The following RUBCN variants were observed in gnomAD, a reference collection of about 807,000 sequenced individuals.
RUBCN encodes run domain Beclin-1-interacting and cysteine-rich domain-containing protein.
Under a neutral mutation model 113.2 loss-of-function variants are expected in RUBCN, and 74 were observed. The ratio of observed to expected loss-of-function variants is 0.65; its 90% CI spans 0.54 to 0.79. RUBCN has a LOEUF of 0.79. Ranked by LOEUF, RUBCN falls within the 30% of genes least tolerant of loss-of-function variation. The probability of loss-of-function intolerance (pLI) is 0.00; values close to 1 mark genes in which losing one functional copy is unlikely to be tolerated. For missense variants in RUBCN, 1,109 were observed against 1,251.7 expected, an observed-to-expected ratio of 0.89 and a Z score of 1.72; for synonymous variants, 480 against 490.0, an observed-to-expected ratio of 0.98 and a Z score of 0.27.
rs1442853456 is a variant in RUBCN, at chr3:197,691,171, G to A, written c.1786+2544C>T. 16 of 1,176,294 alleles carry A rather than the reference G, an allele frequency of 1.4e-5. No individual in the cohort carries two copies. The East Asian group carries it at 1.7e-4, about 13-fold the overall frequency. The allele number at this position is 1,176,294 out of a possible 1,614,324, so 72.9% of individuals were successfully genotyped here. ...CATCTGTGTAATAATGATGATAAAA[G>A]GGGGCCCTTAGTATTCCAGCAGGAA... On this transcript the variant is annotated intron_variant, in intron 11 of 19. Coordinates refer to ENST00000296343, the MANE Select transcript of RUBCN (RefSeq NM_014687.4).
Position 197,703,271 on chromosome 3 carries a change from G to A in RUBCN, c.570+277C>T, listed in dbSNP as rs112235729. On this transcript the variant is annotated intron_variant, in intron 5 of 19. Transcript: ENST00000296343. The stretch of plus-strand genomic sequence containing the variant: ...AAAATAGCTGGGTGTGGTGGCGGGC[G>A]CCTGTAATCCCAGCTACTCGGGAGG... 0.11 allele frequency among the ~76,000 whole-genome samples: 16,972 copies of A among 150,968 alleles called. 1,156 individuals are homozygous for A. Among genetic ancestry groups the A allele is most frequent in the African/African-American group, 0.18 (7,462 of 41,050 alleles).
intron 11 of RUBCN, among the ~76,000 whole-genome samples, chr3:197,688,553 C>T (rs1252978034): frequency 6.6e-6 from 1 of 152,108 alleles, no homozygotes; most frequent in East Asian, 1.9e-4. Context: ...CGGACCCTGA[C>T]TAGATACATC....
intron 1 of RUBCN, chr3:197,748,026 G>A (rs2109028020): frequency 1.3e-5 from 2 of 152,138 alleles, no homozygotes; most frequent in South Asian, 4.2e-4. Flanking sequence ...CCGCCTCCCG[G>A]GTTCAAGCGA....
Position 197,682,589 on chromosome 3 carries a change from G to A in RUBCN, c.2007C>T (p.Pro669=), listed in dbSNP as rs760511667. 1.2e-6 allele frequency: 2 copies of A among 1,614,140 alleles called. No homozygotes were observed. The highest frequency in any genetic ancestry group is 1.3e-5 in the African/African-American group (1 of 75,024). The change falls in exon 14 of 20, where the codon CCC becomes CCT. Residue 669 remains proline, a synonymous_variant. Transcript: ENST00000296343. ...CGTGCTGCCCGTCATCCGGTGAGATGGGCAGTGAGTCAGGAATGGGCAGGA... is the reference window on the plus strand; with the variant it reads ...CGTGCTGCCCGTCATCCGGTGAGATAGGCAGTGAGTCAGGAATGGGCAGGA... The part of the protein sequence containing the change: ...QKLLPIPDSL[P]ISPDDGQHAD...
chr3:197,726,250 T>G (rs1560465746), intron 1 of RUBCN, among the ~76,000 whole-genome samples: 1 of 152,184 alleles, frequency 6.6e-6, no homozygotes, highest in Non-Finnish European at 1.5e-5. Flanking sequence ...TTTTTTATTT[T>G]TATTTTTATT....
intron 11 of RUBCN, among the ~76,000 whole-genome samples, chr3:197,685,348 A>G (rs931498959): frequency 1.3e-5 from 2 of 152,154 alleles, no homozygotes; most frequent in Non-Finnish European, 2.9e-5. Flanking sequence ...AGCCGACACA[A>G]TGACCAATCT....
intron 18 of RUBCN, chr3:197,676,647 C>T: frequency 1.4e-6 from 2 of 1,392,578 alleles, no homozygotes; most frequent in Non-Finnish European, 1.9e-6. Flanking sequence ...TCGGTCTTGC[C>T]CGGAGCTACC....
chr3:197,690,636 T>C (rs9831577), intron 11 of RUBCN, among the ~76,000 whole-genome samples: 2,674 of 152,350 alleles, frequency 0.018, 74 homozygotes, highest in African/African-American at 0.061. Context: ...TTTCTAAAAG[T>C]TGGCTCTGCA....
intron 6 of RUBCN, among the ~76,000 whole-genome samples, 170 bp from the exon 7 acceptor site, chr3:197,701,316 G>C (rs968634096): frequency 6.6e-6 from 1 of 152,200 alleles, no homozygotes; most frequent in African/African-American, 2.4e-5. Flanking sequence ...TCCTGAGACA[G>C]TGCTTTATTG....
intron 11 of RUBCN, among the ~76,000 whole-genome samples, chr3:197,688,543 C>T (rs1163356892): frequency 6.6e-6 from 1 of 152,088 alleles, no homozygotes; most frequent in South Asian, 2.1e-4. Context: ...GTCTCCTGAT[C>T]GGACCCTGAC....
At chr3:197,682,072 A>G (rs6797009) in intron 14 of RUBCN, among the ~76,000 whole-genome samples, 173 bp from the exon 15 acceptor site, 11,299 of 152,140 alleles carry the variant, frequency 0.074, 1,134 homozygotes, top group African/African-American at 0.22. Context: ...ACTCCATATA[A>G]GATTTAGGTC....
Position 197,703,609 on chromosome 3 carries a change from T to C in RUBCN, c.509A>G (p.Gln170Arg), listed in dbSNP as rs754683981. ...GTTCTGTTCCACTGCTTCCAGGCAC[T>C]GCAGCATGGCCGTGACATGAGCGTC... ...LSDAHVTAML[Q>R]CLEAVEQNNP... Residue 170 changes from glutamine (Q) to arginine (R), a missense_variant, in exon 5 of 20, where the codon CAG (glutamine) becomes CGG (arginine). Gln to Arg is a conservative substitution (Grantham distance 43). This residue lies in a region of RUBCN where 736 missense variants were observed against 779.6 expected (regional missense o/e 0.94). Transcript: ENST00000296343. 5.0e-6 allele frequency: 8 copies of C among 1,613,882 alleles called. No homozygotes were observed. The East Asian group carries it at 1.8e-4, about 36-fold the overall frequency.
At chr3:197,736,925 A>T (rs893206194), upstream of RUBCN, 7 of 1,348,826 alleles carry the variant, frequency 5.2e-6, no homozygotes, top group African/African-American at 4.7e-5. Context: ...GGCTCCGGGG[A>T]CTACAGCCCC....
intron 11 of RUBCN, among the ~76,000 whole-genome samples, chr3:197,687,187 A>G (rs916271810): frequency 6.6e-6 from 1 of 152,248 alleles, no homozygotes; most frequent in African/African-American, 2.4e-5. Context: ...CTGGGAATCC[A>G]ACTTCAACAC....
intron 2 of RUBCN, among the ~76,000 whole-genome samples, chr3:197,710,432 C>G (rs1002052550): frequency 6.6e-6 from 1 of 151,848 alleles, no homozygotes; most frequent in Non-Finnish European, 1.5e-5. Flanking sequence ...GAAACCCCAT[C>G]TCTACTAAAA....
intron 5 of RUBCN, 148 bp downstream of exon 5, chr3:197,703,397 CAAA>C (rs1165064210): frequency 0.029 from 4,479 of 151,952 alleles, no homozygotes; most frequent in South Asian, 0.043. Context: ...GACTCTGTCT[CAAA>C]AAAAAAAAAA....
In RUBCN at chr3:197,683,521, A is replaced by T; in HGVS notation, c.1848-82T>A. 1 of 1,525,184 alleles carries T rather than the reference A, an allele frequency of 6.6e-7. No individual in the cohort carries two copies. The allele number at this position is 1,525,184 out of a possible 1,614,324, so 94.5% of individuals were successfully genotyped here. ...GCTTCCCTTCATGATCTCATCCCCC[A>T]CGCAGCAACTTCTGGGCTGGAAGAA... On this transcript the variant is annotated intron_variant, in intron 12 of 19. Coordinates refer to ENST00000296343, the MANE Select transcript of RUBCN (RefSeq NM_014687.4). This position sits in a 1 kb window ranked among gnomAD's most constrained non-coding sequence, Gnocchi z 4.6.
intron 7 of RUBCN, among the ~76,000 whole-genome samples, chr3:197,697,770 A>C (rs773914975): frequency 3.3e-5 from 5 of 152,252 alleles, no homozygotes; most frequent in Admixed American, 6.5e-5. Context: ...CACAGAAGGA[A>C]GAACAGGTGG....
chr3:197,739,062 T>C (rs1728389562), upstream of RUBCN, among the ~76,000 whole-genome samples: 1 of 151,696 alleles, frequency 6.6e-6, no homozygotes, highest in Non-Finnish European at 1.5e-5. Flanking sequence ...TGCCTCAGCC[T>C]CCTGAGCAGC....
Sources: allele counts gnomAD v4.1 joint callset (sites outside exome capture counted in the v4.1 genomes callset), GRCh38; gene constraint gnomAD v4.1.1; regional missense constraint gnomAD v4.1.1; non-coding constraint Gnocchi (gnomAD v3.1); transcripts MANE v1.5; gene names NCBI Gene and HGNC (gene_info 2026-07-23, HGNC 2026-07-21).